The following FANCM variants were observed in gnomAD, a reference collection of about 807,000 sequenced individuals.
The protein encoded by FANCM is Fanconi anemia group M protein.
In FANCM, 140 loss-of-function variants were observed where a neutral mutation model predicts 199.5. The observed-to-expected ratio is 0.70, with a 90% confidence interval of 0.61 to 0.81. The LOEUF (loss-of-function observed/expected upper bound fraction) is 0.81. Among genes scored for constraint, FANCM ranks in the 30% least tolerant of loss-of-function variants. The probability of loss-of-function intolerance (pLI) is 0.00; values close to 1 mark genes in which losing one functional copy is unlikely to be tolerated. For synonymous variants in FANCM, 840 were observed against 836.8 expected (o/e 1.00, Z -0.07); for missense variants, 2,410 against 2,421.4 (o/e 1.00, Z 0.10).
intron 18 of FANCM, among the ~76,000 whole-genome samples, chr14:45,185,939 C>T (rs1171958890): frequency 4.6e-5 from 7 of 152,070 alleles, no homozygotes; most frequent in Admixed American, 4.6e-4. Flanking sequence ...TACTCTGTTG[C>T]CCAGAGTAGG....
chr14:45,185,217 C>A lies in FANCM; in HGVS notation c.4516C>A (p.His1506Asn), dbSNP rs1889320501. 3 of 1,573,978 alleles carry A rather than the reference C, an allele frequency of 1.9e-6. No homozygotes were observed. The highest frequency in any genetic ancestry group is 1.4e-5 in the African/African-American group (1 of 72,672). The change falls in exon 18 of 23, where the codon CAT becomes AAT. Residue 1506 changes from histidine to asparagine, a missense_variant and splice_region_variant. By Grantham distance (68) the His-to-Asn change is moderately conservative. Transcript: ENST00000267430. ...ATGTTTTCTAATTTGTCTTACTTAG[C>A]ATGTAGCTAGGAAGTTTTTAGATGA... Reference protein sequence around the residue: ...KVPKRQSHLKHVARKFLDDEA... With the variant: ...KVPKRQSHLKNVARKFLDDEA...
At chr14:45,173,017 A>G (rs750485127) in intron 12 of FANCM, 38 bp from the exon 13 acceptor site, 4 of 1,450,852 alleles carry the variant, frequency 2.8e-6, no homozygotes, top group Admixed American at 3.4e-5. Flanking sequence ...AAATCTCAGT[A>G]TGTTTTCATC....
In FANCM at chr14:45,179,007, T is replaced by C. The variant is rs986904422; in HGVS notation, c.4222+2031T>C. ...TGAGGTCAGGAGTTTGAGACCAGCC[T>C]GGCCAACATGATGAAACCCCGTCTC... On this transcript the variant is annotated intron_variant, in intron 14 of 22. Transcript: ENST00000267430. Among the ~76,000 whole-genome samples, 38 of 152,202 alleles carry C rather than the reference T, an allele frequency of 2.5e-4. 1 individual carries two copies. The highest frequency in any genetic ancestry group is 7.9e-4 in the African/African-American group (33 of 41,544).
chr14:45,166,713 C>T (rs1888000862), intron 10 of FANCM, among the ~76,000 whole-genome samples: 1 of 150,376 alleles, frequency 6.6e-6, no homozygotes, highest in African/African-American at 2.5e-5. Flanking sequence ...GAGGTTGAGG[C>T]TGCAGTGAGC....
intron 20 of FANCM, among the ~76,000 whole-genome samples, chr14:45,194,897 G>A (rs948931173): frequency 6.8e-6 from 1 of 147,292 alleles, no homozygotes; most frequent in Admixed American, 7.0e-5. Context: ...CTGCAACTCC[G>A]CCTCCCACAC....
At position 45,183,842 on chromosome 14, in the gene FANCM, G is replaced by C. The variant is rs554011196; in HGVS notation, c.4455G>C (p.Lys1485Asn). ...CATGTTCACAATTAGAAGACTTCAA[G>C]GTTTGTAACGGGAATGCCAGAAGAG... ...PKPCSQLEDF[K>N]VCNGNARRGI... Residue 1485 changes from lysine (K) to asparagine (N), a missense_variant, in exon 17 of 23, where the codon AAG becomes AAC. By Grantham distance (94) the Lys-to-Asn change is moderately conservative. Coordinates refer to ENST00000267430, the MANE Select transcript of FANCM (RefSeq NM_020937.4). The C allele has an allele frequency of 6.2e-7, 1 of 1,610,342 alleles. No homozygotes were observed. The highest frequency in any genetic ancestry group is 2.2e-5 in the East Asian group (1 of 44,684).
intron 2 of FANCM, chr14:45,138,091 G>A (rs1162933201): frequency 1.3e-5 from 2 of 152,106 alleles, no homozygotes; most frequent in African/African-American, 2.4e-5. Flanking sequence ...TGAGTTTGAG[G>A]TGTCTATGAG....
intron 9 of FANCM, among the ~76,000 whole-genome samples, chr14:45,163,907 G>T (rs1887776727): frequency 6.6e-6 from 1 of 152,084 alleles, no homozygotes; most frequent in Admixed American, 6.6e-5. Context: ...CTAGTTGGTT[G>T]CTTCTTTTCC....
intron 8 of FANCM, among the ~76,000 whole-genome samples, chr14:45,157,926 G>A (rs975594698): frequency 1.3e-5 from 2 of 152,302 alleles, no homozygotes; most frequent in South Asian, 2.1e-4. Flanking sequence ...GTTGGATGTC[G>A]TGGCTCATGC....
Position 45,135,954 on chromosome 14 carries a change from G to A in FANCM, c.-78G>A, listed in dbSNP as rs2139098551. On this transcript the variant is annotated 5_prime_UTR_variant, in exon 1 of 23. Coordinates refer to ENST00000267430, the MANE Select transcript of FANCM (RefSeq NM_020937.4). ...TCCAGAGTTTTGTGCGAAGGAAACC[G>A]ATGGGGATCGGAACCGTAGCGGTTG... The A allele has an allele frequency of 4.6e-6, 7 of 1,505,544 alleles. No individual in the cohort carries two copies. The highest frequency in any genetic ancestry group is 6.4e-6 in the Non-Finnish European group (7 of 1,086,186). 93.3% of individuals were successfully genotyped at this position (1,505,544 alleles called of 1,614,324 possible). A position where few individuals can be genotyped will look rare whatever the true frequency, so the allele number is the denominator to read the frequency against.
At chr14:45,196,639 T>A in intron 21 of FANCM, 92 bp downstream of exon 21, 2 of 1,261,316 alleles carry the variant, frequency 1.6e-6, no homozygotes, top group Non-Finnish European at 2.2e-6. Context: ...TGTGGGAAAC[T>A]CTTAAAATAT....
At chr14:45,159,918 A>G (rs1887464322) in intron 9 of FANCM, among the ~76,000 whole-genome samples, 1 of 152,056 alleles carries the variant, frequency 6.6e-6, no homozygotes, top group Non-Finnish European at 1.5e-5. Flanking sequence ...AGTGACTGAC[A>G]ATTAGATATC....
At chr14:45,187,727 T>C in intron 18 of FANCM, 54 bp from the exon 19 acceptor site, 3 of 812,892 alleles carry the variant, frequency 3.7e-6, no homozygotes, top group Non-Finnish European at 6.4e-6. Context: ...AATACTTTAC[T>C]GGTTTTCATT....
intron 7 of FANCM, among the ~76,000 whole-genome samples, 176 bp from the exon 8 acceptor site, chr14:45,155,197 A>G (rs1204969538): frequency 1.3e-5 from 2 of 152,128 alleles, no homozygotes; most frequent in African/African-American, 4.8e-5. Context: ...TGAAAGTTCA[A>G]AGTTCATTTT....
chr14:45,140,835 A>G (rs906404305), intron 3 of FANCM, 126 bp downstream of exon 3: 11 of 711,490 alleles, frequency 1.5e-5, no homozygotes, highest in Non-Finnish European at 2.8e-5. Flanking sequence ...GAGGCCAGGA[A>G]TTCCAGACCA....
chr14:45,176,458 G>T lies in FANCM; in HGVS notation c.3704G>T (p.Gly1235Val), dbSNP rs146490925. The T allele has an allele frequency of 9.8e-5, 158 of 1,612,658 alleles. No individual in the cohort carries two copies. The highest frequency in any genetic ancestry group is 1.3e-4 in the Non-Finnish European group (156 of 1,179,622). The change falls in exon 14 of 23, where the codon GGA becomes GTA. Residue 1235 changes from glycine to valine, a missense_variant. Coordinates refer to ENST00000267430, the MANE Select transcript of FANCM (RefSeq NM_020937.4). ...RDLFSVTFDL[G>V]FCSPDSDDEI... The stretch of plus-strand genomic sequence containing the variant: ...TTATTTTCTGTTACCTTTGATTTAG[G>T]ATTCTGTAGTCCAGATTCTGATGAT...
chr14:45,141,230 A>G lies in FANCM; in HGVS notation c.759+521A>G, dbSNP rs558032213. On this transcript the variant is annotated intron_variant, in intron 3 of 22. Transcript: ENST00000267430. ...GTGAACTCGGGAGGCGGAGCTTGCA[A>G]TGAGCCAAGATCTAGCCACTGCACT... 1.3e-3 allele frequency among the ~76,000 whole-genome samples: 187 copies of G among 147,704 alleles called. 1 individual carries two copies. Among genetic ancestry groups the G allele is most frequent in the African/African-American group, 4.1e-3 (163 of 40,130 alleles).
Position 45,154,751 on chromosome 14 carries a change from A to G in FANCM, c.1238A>G (p.Tyr413Cys), listed in dbSNP as rs771835190. 4 of 1,603,798 alleles carry G rather than the reference A, an allele frequency of 2.5e-6. No homozygotes were observed. Among genetic ancestry groups the G allele is most frequent in the South Asian group, 2.2e-5 (2 of 90,084 alleles). ...CGAAATGAAGACTTCATGAAACTCT[A>G]TAATCATCTAGAGTGTATGTTTGCA... The part of the protein sequence containing the change: ...LGRNEDFMKL[Y>C]NHLECMFART... The change falls in exon 7 of 23, where the codon TAT (tyrosine) becomes TGT (cysteine). Residue 413 changes from tyrosine (Y) to cysteine (C), a missense_variant. Coordinates refer to ENST00000267430, the MANE Select transcript of FANCM (RefSeq NM_020937.4).
chr14:45,162,554 A>G (rs1013675116), intron 9 of FANCM, among the ~76,000 whole-genome samples: 4 of 152,206 alleles, frequency 2.6e-5, no homozygotes, highest in Non-Finnish European at 5.9e-5. Context: ...CCTTACTTTC[A>G]GTTATTGTAC....
Sources: gnomAD v4.1 joint callset for allele counts (sites outside exome capture counted in the v4.1 genomes callset) on GRCh38, gnomAD v4.1.1 for gene constraint, MANE v1.5 for transcripts, NCBI Gene and HGNC (gene_info 2026-07-23, HGNC 2026-07-21) for gene names.